Variants in SMIM10L2A observed in about 807,000 individuals in gnomAD.
The protein encoded by SMIM10L2A is small integral membrane protein 10-like protein 2A.
SMIM10L2A carries 2 observed loss-of-function variants against 3.0 expected under a neutral mutation model. That is an observed-to-expected ratio of 0.66 (90% CI 0.27 to 2.08). The LOEUF (loss-of-function observed/expected upper bound fraction) is 2.08, where lower values mean the gene tolerates loss of function less well. SMIM10L2A is among the 30% of genes most tolerant of loss of function. The probability of loss-of-function intolerance (pLI) is 0.14; values close to 1 mark genes in which losing one functional copy is unlikely to be tolerated. For synonymous variants in SMIM10L2A, 29 were observed against 34.8 expected, an observed-to-expected ratio of 0.83 and a Z score of 0.58; for missense variants, 59 against 66.5, an observed-to-expected ratio of 0.89 and a Z score of 0.39.
rs1556471187 is a variant in SMIM10L2A, at chrX:135,424,898, C to G, written c.*1628C>G. 7.2e-5 allele frequency: 8 copies of G among 111,751 alleles called. No homozygotes were observed. 9.2% of individuals were successfully genotyped at this position (111,751 alleles called of 1,213,427 possible). A position where few individuals can be genotyped will look rare whatever the true frequency, so the allele number is the denominator to read the frequency against. Reference sequence around the variant, plus strand: ...TCCCAAGTTTCTTGGGAACCCCTGACCCTGCTGGCCCCTCTCATCCACCCC... The same window carrying G: ...TCCCAAGTTTCTTGGGAACCCCTGAGCCTGCTGGCCCCTCTCATCCACCCC... On this transcript the variant is annotated 3_prime_UTR_variant, in exon 2 of 2. Coordinates refer to ENST00000417443, the MANE Select transcript of SMIM10L2A (RefSeq NM_203306.3).
rs1602715380 is a variant in SMIM10L2A, at chrX:135,427,748, A to T, written c.*4478A>T. The T allele has an allele frequency of 8.9e-6, 1 of 112,385 alleles. No homozygotes were observed. Among genetic ancestry groups the T allele is most frequent in the Middle Eastern group, 4.6e-3 (1 of 217 alleles). The allele number at this position is 112,385 out of a possible 1,213,427, so 9.3% of individuals were successfully genotyped here. ...AGTATCTCTTTTGTATGAAGGTTTC[A>T]TCATGTATCCCCCAGTGCCCTTTGG... On this transcript the variant is annotated 3_prime_UTR_variant, in exon 2 of 2. Transcript: ENST00000417443.
Position 135,427,446 on chromosome X carries a change from T to G in SMIM10L2A, c.*4176T>G, listed in dbSNP as rs2085157004. On this transcript the variant is annotated 3_prime_UTR_variant, in exon 2 of 2. Coordinates refer to ENST00000417443, the MANE Select transcript of SMIM10L2A (RefSeq NM_203306.3). ...AGAGATTGATTGGGACCTAAGAGAC[T>G]GAGTCAGGAGAGGGCAAGAAAGCAG... 1 of 111,652 alleles carries G rather than the reference T, an allele frequency of 9.0e-6. No homozygotes were observed. Among genetic ancestry groups the G allele is most frequent in the South Asian group, 3.8e-4 (1 of 2,658 alleles). The allele number at this position is 111,652 out of a possible 1,213,427, so 9.2% of individuals were successfully genotyped here.
chrX:135,423,062 C>T (rs1435525356), intron 1 of SMIM10L2A, among the ~76,000 whole-genome samples: 1 of 112,183 alleles, frequency 8.9e-6, no homozygotes, highest in Non-Finnish European at 1.9e-5. Context: ...AGCAACGATG[C>T]CCCCACCCTT....
Position 135,426,375 on chromosome X carries a change from G to T in SMIM10L2A, c.*3105G>T, listed in dbSNP as rs2085152821. On this transcript the variant is annotated 3_prime_UTR_variant, in exon 2 of 2. Coordinates refer to ENST00000417443, the MANE Select transcript of SMIM10L2A (RefSeq NM_203306.3). ...GTAAGGGTTGGCAAGCAGGCAAAAGGCGGGGGAGGGAGGGCAGAGGGTAGT... is the reference window on the plus strand; with the variant it reads ...GTAAGGGTTGGCAAGCAGGCAAAAGTCGGGGGAGGGAGGGCAGAGGGTAGT... 1 of 109,728 alleles carries T rather than the reference G, an allele frequency of 9.1e-6. No individual in the cohort carries two copies. The highest frequency in any genetic ancestry group is 1.9e-5 in the Non-Finnish European group (1 of 52,394). The allele number at this position is 109,728 out of a possible 1,213,427, so 9.0% of individuals were successfully genotyped here.
chrX:135,423,166 C>T (rs2085138730), intron 1 of SMIM10L2A, among the ~76,000 whole-genome samples: 1 of 112,453 alleles, frequency 8.9e-6, no homozygotes, highest in Non-Finnish European at 1.9e-5. Flanking sequence ...GGTCTCTCTG[C>T]AGCTCCTGCA....
rs1384237585 is a variant in SMIM10L2A, at chrX:135,427,281, C to G, written c.*4011C>G. The G allele has an allele frequency of 8.9e-6, 1 of 112,025 alleles. No individual in the cohort carries two copies. The highest frequency in any genetic ancestry group is 3.3e-5 in the African/African-American group (1 of 30,740). 9.2% of individuals were successfully genotyped at this position (112,025 alleles called of 1,213,427 possible). On this transcript the variant is annotated 3_prime_UTR_variant, in exon 2 of 2. Coordinates refer to ENST00000417443, the MANE Select transcript of SMIM10L2A (RefSeq NM_203306.3). ...AGCAAAGATGGAAGATGACCCTGTC[C>G]TTTCTGGGTGAGGTCCAGAAGAAAT...
At position 135,427,779 on chromosome X, in the gene SMIM10L2A, T is replaced by A. The variant is rs2085158260; in HGVS notation, c.*4509T>A. The A allele has an allele frequency of 8.9e-6, 1 of 112,588 alleles. No individual in the cohort carries two copies. Among genetic ancestry groups the A allele is most frequent in the African/African-American group, 3.2e-5 (1 of 30,941 alleles). The allele number at this position is 112,588 out of a possible 1,213,427, so 9.3% of individuals were successfully genotyped here. On this transcript the variant is annotated 3_prime_UTR_variant, in exon 2 of 2. Coordinates refer to ENST00000417443, the MANE Select transcript of SMIM10L2A (RefSeq NM_203306.3). ...TATCCCCCAGTGCCCTTTGGTTGTT[T>A]TTCTTTGTTGTCATTTATTTTGGTG...
chrX:135,422,411 C>T lies in SMIM10L2A; in HGVS notation c.*43C>T. On this transcript the variant is annotated 3_prime_UTR_variant, in exon 1 of 2. Coordinates refer to ENST00000417443, the MANE Select transcript of SMIM10L2A (RefSeq NM_203306.3). ...GGCGAAGGCCCGGCTGAAGGGGCGC[C>T]CGTGTCCCCGCCCGCCCCCGGCCGG... The T allele has an allele frequency of 2.6e-6, 1 of 380,076 alleles. No homozygotes were observed. Among genetic ancestry groups the T allele is most frequent in the Non-Finnish European group, 4.0e-6 (1 of 246,979 alleles). The allele number at this position is 380,076 out of a possible 1,213,427, so 31.3% of individuals were successfully genotyped here.
rs1346845466 is a variant in SMIM10L2A, at chrX:135,424,196, G to C, written c.*926G>C. 9.0e-6 allele frequency: 1 copy of C among 110,947 alleles called. No individual in the cohort carries two copies. Among genetic ancestry groups the C allele is most frequent in the Non-Finnish European group, 1.9e-5 (1 of 52,759 alleles). 9.1% of individuals were successfully genotyped at this position (110,947 alleles called of 1,213,427 possible). A position where few individuals can be genotyped will look rare whatever the true frequency, so the allele number is the denominator to read the frequency against. On this transcript the variant is annotated 3_prime_UTR_variant, in exon 2 of 2. Transcript: ENST00000417443. The stretch of plus-strand genomic sequence containing the variant: ...AGTCACAGGGAAGATCAGGAGGACG[G>C]ACAGCTGAGATGGGAGACAGGAGAG...
rs1415303443 is a variant in SMIM10L2A at position 135,424,269 on chromosome X, C to G, written c.*999C>G. ...AGCCAAGCTGTCCCCCACATCCTAG[C>G]CTCTCACCCCACCTGGAGCTTCACC... On this transcript the variant is annotated 3_prime_UTR_variant, in exon 2 of 2. Coordinates refer to ENST00000417443, the MANE Select transcript of SMIM10L2A (RefSeq NM_203306.3). The G allele has an allele frequency of 1.8e-5, 2 of 111,118 alleles. No individual in the cohort carries two copies. Among genetic ancestry groups the G allele is most frequent in the Non-Finnish European group, 3.8e-5 (2 of 52,804 alleles). 9.2% of individuals were successfully genotyped at this position (111,118 alleles called of 1,213,427 possible).
In SMIM10L2A at chrX:135,426,932, G is replaced by C. The variant is rs2085155123; in HGVS notation, c.*3662G>C. 1 of 113,273 alleles carries C rather than the reference G, an allele frequency of 8.8e-6. No homozygotes were observed. Among genetic ancestry groups the C allele is most frequent in the African/African-American group, 3.2e-5 (1 of 31,171 alleles). 9.3% of individuals were successfully genotyped at this position (113,273 alleles called of 1,213,427 possible). On this transcript the variant is annotated 3_prime_UTR_variant, in exon 2 of 2. Transcript: ENST00000417443. ...TTAGTAAGGTTCCGTTGGGATGCTTGTAAGCAGTGAATACGATGATGTCTG... is the reference window on the plus strand; with the variant it reads ...TTAGTAAGGTTCCGTTGGGATGCTTCTAAGCAGTGAATACGATGATGTCTG...
In SMIM10L2A at chrX:135,425,604, C is replaced by T. The variant is rs1178464067; in HGVS notation, c.*2334C>T. Reference sequence around the variant, plus strand: ...GTTTTCTAGGCGGTGGAGCTAGACACTGACCGGAATGACATACTTTTCTGT... The same window carrying T: ...GTTTTCTAGGCGGTGGAGCTAGACATTGACCGGAATGACATACTTTTCTGT... On this transcript the variant is annotated 3_prime_UTR_variant, in exon 2 of 2. Coordinates refer to ENST00000417443, the MANE Select transcript of SMIM10L2A (RefSeq NM_203306.3). 1.8e-5 allele frequency: 2 copies of T among 112,658 alleles called. No homozygotes were observed. Among genetic ancestry groups the T allele is most frequent in the East Asian group, 5.6e-4 (2 of 3,603 alleles). The allele number at this position is 112,658 out of a possible 1,213,427, so 9.3% of individuals were successfully genotyped here. A position where few individuals can be genotyped will look rare whatever the true frequency, so the allele number is the denominator to read the frequency against.
chrX:135,423,389 C>G (rs1556470733), intron 1 of SMIM10L2A, among the ~76,000 whole-genome samples: 1 of 112,932 alleles, frequency 8.9e-6, no homozygotes, highest in African/African-American at 3.2e-5. Context: ...CCCTAAGGCC[C>G]CTAGCTAGCA....
At position 135,427,780 on chromosome X, in the gene SMIM10L2A, T is replaced by TACC. The variant is rs2085158273; in HGVS notation, c.*4510_*4511insACC. 2 of 112,643 alleles carry TACC rather than the reference T, an allele frequency of 1.8e-5. No homozygotes were observed. Among genetic ancestry groups the TACC allele is most frequent in the African/African-American group, 6.5e-5 (2 of 30,951 alleles). The allele number at this position is 112,643 out of a possible 1,213,427, so 9.3% of individuals were successfully genotyped here. On this transcript the variant is annotated 3_prime_UTR_variant, in exon 2 of 2. Transcript: ENST00000417443. The stretch of plus-strand genomic sequence containing the variant: ...ATCCCCCAGTGCCCTTTGGTTGTTT[T>TACC]TCTTTGTTGTCATTTATTTTGGTGG...
chrX:135,422,269 C>G lies in SMIM10L2A; in HGVS notation c.138C>G (p.Thr46=), dbSNP rs1161564396. ...AGGGGCTCACGCGCACGCTGCTCACCTTCTTCGACCTGGCCTGGCGGCTGC... is the reference window on the plus strand; with the variant it reads ...AGGGGCTCACGCGCACGCTGCTCACGTTCTTCGACCTGGCCTGGCGGCTGC... ...FCKGLTRTLL[T]FFDLAWRLRM... is the part of the protein sequence containing the mutation. Residue 46 remains threonine, a synonymous_variant, in exon 1 of 2, where the codon ACC becomes ACG. Coordinates refer to ENST00000417443, the MANE Select transcript of SMIM10L2A (RefSeq NM_203306.3). 1 of 1,084,820 alleles carries G rather than the reference C, an allele frequency of 9.2e-7. No homozygotes were observed. The highest frequency in any genetic ancestry group is 1.9e-5 in the African/African-American group (1 of 52,113). The allele number at this position is 1,084,820 out of a possible 1,213,427, so 89.4% of individuals were successfully genotyped here.
Position 135,422,436 on chromosome X carries a change from G to C in SMIM10L2A, c.*68G>C, listed in dbSNP as rs2085135001. Reference sequence around the variant, plus strand: ...CCGTGTCCCCGCCCGCCCCCGGCCGGGTCGCCGGCATGAAGGAAAGCTGGG... The same window carrying C: ...CCGTGTCCCCGCCCGCCCCCGGCCGCGTCGCCGGCATGAAGGAAAGCTGGG... On this transcript the variant is annotated 3_prime_UTR_variant, in exon 1 of 2. Coordinates refer to ENST00000417443, the MANE Select transcript of SMIM10L2A (RefSeq NM_203306.3). The C allele has an allele frequency of 9.5e-6, 3 of 314,202 alleles. No individual in the cohort carries two copies. The highest frequency in any genetic ancestry group is 1.6e-5 in the Non-Finnish European group (3 of 191,917). The allele number at this position is 314,202 out of a possible 1,213,427, so 25.9% of individuals were successfully genotyped here.
rs2085156125 is a variant in SMIM10L2A, at chrX:135,427,178, A to G, written c.*3908A>G. ...GAACCAAGTCTGAAACAGAGCCCCAAGAAGAAGCTCTTTTCCTGAGCTACC... is the reference window on the plus strand; with the variant it reads ...GAACCAAGTCTGAAACAGAGCCCCAGGAAGAAGCTCTTTTCCTGAGCTACC... On this transcript the variant is annotated 3_prime_UTR_variant, in exon 2 of 2. Coordinates refer to ENST00000417443, the MANE Select transcript of SMIM10L2A (RefSeq NM_203306.3). 1 of 112,746 alleles carries G rather than the reference A, an allele frequency of 8.9e-6. No homozygotes were observed. The highest frequency in any genetic ancestry group is 3.2e-5 in the African/African-American group (1 of 31,010). 9.3% of individuals were successfully genotyped at this position (112,746 alleles called of 1,213,427 possible). A position where few individuals can be genotyped will look rare whatever the true frequency, so the allele number is the denominator to read the frequency against.
rs189130602 is a variant in SMIM10L2A, at chrX:135,422,935, C to G, written c.*362+205C>G. 8.8e-3 allele frequency among the ~76,000 whole-genome samples: 987 copies of G among 112,166 alleles called. 3 individuals carry two copies. The highest frequency in any genetic ancestry group is 0.013 in the South Asian group (35 of 2,751). On this transcript the variant is annotated intron_variant, in intron 1 of 1. Coordinates refer to ENST00000417443, the MANE Select transcript of SMIM10L2A (RefSeq NM_203306.3). Reference sequence around the variant, plus strand: ...TTGCAGGATAGGGTGAGGGGCGGCCCCCTCCCGCCCACGCCCCAGTGCCTG... The same window carrying G: ...TTGCAGGATAGGGTGAGGGGCGGCCGCCTCCCGCCCACGCCCCAGTGCCTG...
rs2085158950 is a variant in SMIM10L2A, at chrX:135,427,939, ATG to A, written c.*4670_*4671del. Reference sequence around the variant, plus strand: ...ATTCCTAGAAAGTGCACCAAAGGGTATGCATGGCTTAGGGCTTTTGATACTCT... The same window carrying A: ...ATTCCTAGAAAGTGCACCAAAGGGTACATGGCTTAGGGCTTTTGATACTCT... On this transcript the variant is annotated 3_prime_UTR_variant, in exon 2 of 2. Coordinates refer to ENST00000417443, the MANE Select transcript of SMIM10L2A (RefSeq NM_203306.3). 1 of 111,959 alleles carries A rather than the reference ATG, an allele frequency of 8.9e-6. No homozygotes were observed. Among genetic ancestry groups the A allele is most frequent in the African/African-American group, 3.3e-5 (1 of 30,680 alleles). The allele number at this position is 111,959 out of a possible 1,213,427, so 9.2% of individuals were successfully genotyped here.
Sources: gnomAD v4.1 joint callset for allele counts (sites outside exome capture counted in the v4.1 genomes callset) on GRCh38, gnomAD v4.1.1 for gene constraint, MANE v1.5 for transcripts, NCBI Gene and HGNC (gene_info 2026-07-23, HGNC 2026-07-21) for gene names.